Variants in CLTC observed in about 807,000 individuals in gnomAD.
The protein encoded by CLTC is clathrin heavy chain 1.
A neutral mutation model predicts 195.8 loss-of-function variants in CLTC; 16 were observed. The observed-to-expected ratio is 0.08, with a 90% CI of 0.06 to 0.12. The LOEUF (loss-of-function observed/expected upper bound fraction) is 0.12. Ranked by LOEUF, CLTC falls within the 10% of genes least tolerant of loss-of-function variation. The pLI, the probability that CLTC is intolerant of heterozygous loss-of-function variation, is 1.00. For synonymous variants in CLTC, 667 were observed against 689.4 expected, an observed-to-expected ratio of 0.97 and a Z score of 0.51; for missense variants, 796 against 2,027.0, an observed-to-expected ratio of 0.39 and a Z score of 11.66.
In CLTC at chr17:59,648,111, A is replaced by G. The variant is rs1455046093; in HGVS notation, c.520-129A>G. On this transcript the variant is annotated intron_variant, in intron 3 of 31. Coordinates refer to ENST00000269122, the MANE Select transcript of CLTC (RefSeq NM_004859.4). This position sits in a 1 kb window ranked among gnomAD's most constrained non-coding sequence, Gnocchi z 4.5. ...TAAGAAGTATCAAATCTACAGTGAG[A>G]GATGAAGTGACAAATAATTATAAAT... 1.8e-5 allele frequency: 15 copies of G among 855,734 alleles called. No individual in the cohort carries two copies. The highest frequency in any genetic ancestry group is 2.7e-5 in the Non-Finnish European group (15 of 559,496). The allele number at this position is 855,734 out of a possible 1,614,324, so 53.0% of individuals were successfully genotyped here. A position where few individuals can be genotyped will look rare whatever the true frequency, so the allele number is the denominator to read the frequency against.
chr17:59,662,041 TG>T (rs1390600672), intron 8 of CLTC, among the ~76,000 whole-genome samples: 1 of 151,850 alleles, frequency 6.6e-6, no homozygotes, highest in African/African-American at 2.4e-5. Flanking sequence ...AGGTAGAGGT[TG>T]CAGTGAGTTG....
At position 59,685,670 on chromosome 17, in the gene CLTC, A is replaced by G; in HGVS notation, c.4689A>G (p.Arg1563=). The part of the protein sequence containing the change: ...LLQWFLQEEK[R]ECFGACLFTC... The stretch of plus-strand genomic sequence containing the variant: ...AGTGGTTTTTGCAGGAAGAAAAAAG[A>G]GAGTGCTTTGGAGCTTGTCTGTTTA... The change falls in exon 30 of 32, where the codon AGA becomes AGG. Residue 1563 remains arginine (R), a synonymous_variant. Coordinates refer to ENST00000269122, the MANE Select transcript of CLTC (RefSeq NM_004859.4). This position sits in a 1 kb window ranked among gnomAD's most constrained non-coding sequence, Gnocchi z 5.0. The G allele has an allele frequency of 1.9e-6, 3 of 1,614,160 alleles. No homozygotes were observed. The highest frequency in any genetic ancestry group is 1.7e-6 in the Non-Finnish European group (2 of 1,180,004).
chr17:59,641,229 A>G (rs2032021775), intron 1 of CLTC, among the ~76,000 whole-genome samples: 2 of 152,186 alleles, frequency 1.3e-5, no homozygotes. Context: ...CTGTTGTTCT[A>G]ATAACTGCAT....
At chr17:59,644,254 G>C in intron 1 of CLTC, 22 bp from the exon 2 acceptor site, 1 of 1,602,788 alleles carries the variant, frequency 6.2e-7, no homozygotes, top group African/African-American at 1.3e-5. Flanking sequence ...TTGGTAACAT[G>C]GTTTCTTATT....
Position 59,686,883 on chromosome 17 carries a change from C to G in CLTC, c.4827+1075C>G, listed in dbSNP as rs192679855. The G allele has an allele frequency of 9.2e-4, 463 of 504,688 alleles. 1 individual carries two copies. Among genetic ancestry groups the G allele is most frequent in the African/African-American group, 8.4e-3 (403 of 48,020 alleles). 31.3% of individuals were successfully genotyped at this position (504,688 alleles called of 1,614,324 possible). On this transcript the variant is annotated intron_variant, in intron 30 of 31. Coordinates refer to ENST00000269122, the MANE Select transcript of CLTC (RefSeq NM_004859.4). ...GTATGCCCTTTATTTTCACTTCTCTCATACCTTTTTAGTGGTTAGATGTTT... is the reference window on the plus strand; with the variant it reads ...GTATGCCCTTTATTTTCACTTCTCTGATACCTTTTTAGTGGTTAGATGTTT...
At position 59,681,821 on chromosome 17, in the gene CLTC, C is replaced by A; in HGVS notation, c.3424C>A (p.Gln1142Lys). 1 of 1,612,838 alleles carries A rather than the reference C, an allele frequency of 6.2e-7. No individual in the cohort carries two copies. Among genetic ancestry groups the A allele is most frequent in the South Asian group, 1.1e-5 (1 of 90,910 alleles). The change falls in exon 21 of 32, where the codon CAG becomes AAG. Residue 1142 changes from glutamine to lysine, a missense_variant. Gln to Lys is a moderately conservative substitution (Grantham distance 53, BLOSUM62 1). Around this residue, in one of 9 missense-constraint regions of CLTC, gnomAD observed 50 missense variants for 77.2 expected, o/e 0.65. Transcript: ENST00000269122. The surrounding 1 kb of genome is among the most constrained non-coding windows in gnomAD (Gnocchi z 5.0). ...DDPSSYMEVV[Q>K]AANTSGNWEE... The stretch of plus-strand genomic sequence containing the variant: ...TCCTTCCTCCTACATGGAAGTTGTT[C>A]AGGCTGCCAATACTAGTGGTATGAC...
At chr17:59,646,566 GC>G (rs1168501001) in intron 2 of CLTC, among the ~76,000 whole-genome samples, 1 of 151,958 alleles carries the variant, frequency 6.6e-6, no homozygotes. Context: ...AATCTTGATA[GC>G]CTAGTGATAG....
intron 2 of CLTC, among the ~76,000 whole-genome samples, chr17:59,646,615 C>T (rs1365059544): frequency 1.3e-5 from 2 of 152,174 alleles, no homozygotes; most frequent in African/African-American, 4.8e-5. Flanking sequence ...TACCAAATCA[C>T]ATTTTGAACT....
At chr17:59,653,837 A>G (rs1033801337) in intron 5 of CLTC, among the ~76,000 whole-genome samples, 2 of 151,458 alleles carry the variant, frequency 1.3e-5, no homozygotes, top group African/African-American at 2.4e-5. Context: ...CAGTGGCGCA[A>G]TCTCAGCTCA....
At chr17:59,643,995 A>C (rs1201896449) in intron 1 of CLTC, among the ~76,000 whole-genome samples, 2 of 152,140 alleles carry the variant, frequency 1.3e-5, no homozygotes, top group Non-Finnish European at 2.9e-5. Context: ...ATTACCTCAA[A>C]TCCCTTGAAC....
intron 2 of CLTC, among the ~76,000 whole-genome samples, chr17:59,644,975 T>C (rs898104906): frequency 2.6e-5 from 4 of 152,228 alleles, no homozygotes; most frequent in African/African-American, 4.8e-5. Flanking sequence ...CTTTAATTAC[T>C]TTTACTTGGA....
intron 8 of CLTC, 47 bp downstream of exon 8, chr17:59,661,690 A>G: frequency 6.5e-7 from 1 of 1,538,676 alleles, no homozygotes; most frequent in Non-Finnish European, 9.0e-7. Context: ...TGCATTAAAT[A>G]TGATATTGGC....
chr17:59,676,829 G>T, intron 16 of CLTC, 125 bp from the exon 17 acceptor site: 1 of 705,176 alleles, frequency 1.4e-6, no homozygotes, highest in Admixed American at 2.6e-5. Context: ...GCAATACTCG[G>T]GGGGCGGGGA....
intron 31 of CLTC, among the ~76,000 whole-genome samples, chr17:59,691,020 C>G (rs2033285392): frequency 1.3e-5 from 2 of 152,132 alleles, no homozygotes; most frequent in Non-Finnish European, 2.9e-5. Context: ...TGATGAATTC[C>G]ATTTTCAAAA....
chr17:59,651,074 A>G, intron 4 of CLTC, 129 bp from the exon 5 acceptor site: 1 of 628,076 alleles, frequency 1.6e-6, no homozygotes, highest in Non-Finnish European at 2.8e-6. Flanking sequence ...TATGGATGTA[A>G]CCAAAACCAT....
rs1195393153 is a variant in CLTC, at chr17:59,643,038, CAGT to C, written c.43-1237_43-1235del. Among the ~76,000 whole-genome samples the C allele has an allele frequency of 4.0e-5, 6 of 151,484 alleles. No homozygotes were observed. In the South Asian group the frequency reaches 8.3e-4, roughly 21 times the overall value. ...GGTTTAGTCCATAAGATAATAGTGA[CAGT>C]GGTGGTGTTTGTGGAGGAAAACTGT... On this transcript the variant is annotated intron_variant, in intron 1 of 31. Transcript: ENST00000269122.
At position 59,620,044 on chromosome 17, in the gene CLTC, C is replaced by G; in HGVS notation, c.-88C>G. On this transcript the variant is annotated 5_prime_UTR_variant, in exon 1 of 32. Coordinates refer to ENST00000269122, the MANE Select transcript of CLTC (RefSeq NM_004859.4). Reference sequence around the variant, plus strand: ...CCTGCTGAGCCCAGCCTCCCCCCTCCCCTTCTCCTCCTCTCCCTTGGAGAG... The same window carrying G: ...CCTGCTGAGCCCAGCCTCCCCCCTCGCCTTCTCCTCCTCTCCCTTGGAGAG... The G allele has an allele frequency of 8.2e-7, 1 of 1,218,974 alleles. No individual in the cohort carries two copies. Among genetic ancestry groups the G allele is most frequent in the South Asian group, 1.3e-5 (1 of 79,820 alleles). The allele number at this position is 1,218,974 out of a possible 1,614,324, so 75.5% of individuals were successfully genotyped here. A position where few individuals can be genotyped will look rare whatever the true frequency, so the allele number is the denominator to read the frequency against.
intron 2 of CLTC, chr17:59,646,076 A>G (rs1222810893): frequency 3.2e-6 from 2 of 633,102 alleles, no homozygotes; most frequent in African/African-American, 4.0e-5. Context: ...AAAAAGAATA[A>G]ATTGAAAAGA....
intron 1 of CLTC, among the ~76,000 whole-genome samples, chr17:59,634,516 T>C (rs2031809775): frequency 6.6e-6 from 1 of 152,190 alleles, no homozygotes; most frequent in Admixed American, 6.5e-5. Context: ...GTAGGAAAAA[T>C]TCTTTGAGTC....
Sources: allele counts gnomAD v4.1 joint callset (sites outside exome capture counted in the v4.1 genomes callset), GRCh38; gene constraint gnomAD v4.1.1; regional missense constraint gnomAD v4.1.1; non-coding constraint Gnocchi (gnomAD v3.1); transcripts MANE v1.5; gene names NCBI Gene and HGNC (gene_info 2026-07-23, HGNC 2026-07-21).